The following TMEM39B variants were observed in gnomAD, a reference collection of about 807,000 sequenced individuals.
TMEM39B encodes the protein transmembrane protein 39B.
TMEM39B carries 23 observed loss-of-function variants against 52.2 expected under a neutral mutation model. The observed-to-expected ratio is 0.44, with a 90% CI of 0.32 to 0.62. TMEM39B has a LOEUF of 0.62. Among genes scored for constraint, TMEM39B ranks in the 20% least tolerant of loss-of-function variants. The pLI is 0.06. For missense variants in TMEM39B, 547 were observed against 642.0 expected (o/e 0.85, Z 1.60); for synonymous variants, 285 against 264.0 (o/e 1.08, Z -0.77).
chr1:32,091,539 G>T, intron 5 of TMEM39B, 136 bp from the exon 6 acceptor site: 1 of 944,724 alleles, frequency 1.1e-6, no homozygotes, highest in East Asian at 2.7e-5. Flanking sequence ...TGGATGGATG[G>T]AAGGACTGGT....
At chr1:32,081,473 C>T (rs972560135) in intron 5 of TMEM39B, among the ~76,000 whole-genome samples, 5 of 152,066 alleles carry the variant, frequency 3.3e-5, no homozygotes, top group South Asian at 4.1e-4. Context: ...ATTGGCCAAG[C>T]GTGGTGGCTC....
intron 5 of TMEM39B, chr1:32,087,816 A>AT (rs1428508546): frequency 1.2e-4 from 17 of 144,514 alleles, no homozygotes; most frequent in African/African-American, 4.3e-4. Context: ...CGCCCGGCTA[A>AT]TTTTTTGTAT....
chr1:32,083,453 G>A lies in TMEM39B; in HGVS notation c.590+6135G>A, dbSNP rs183361245. Among the ~76,000 whole-genome samples, 72 of 110,506 alleles carry A rather than the reference G, an allele frequency of 6.5e-4. No individual in the cohort carries two copies. In the East Asian group the frequency reaches 0.015, roughly 23 times the overall value. 72.5% of individuals were successfully genotyped at this position (110,506 alleles called of 152,430 possible). Reference sequence around the variant, plus strand: ...TTTTTTTTTTTTGAGATGGAGATTCGCCGTTGTTGCCCAGGCTGGAGTGGA... The same window carrying A: ...TTTTTTTTTTTTGAGATGGAGATTCACCGTTGTTGCCCAGGCTGGAGTGGA... On this transcript the variant is annotated intron_variant, in intron 5 of 8. Transcript: ENST00000336294.
intron 5 of TMEM39B, among the ~76,000 whole-genome samples, chr1:32,083,766 G>A (rs1198580246): frequency 1.3e-5 from 2 of 152,118 alleles, no homozygotes; most frequent in Admixed American, 1.3e-4. Context: ...CTACTCAGGA[G>A]GCTAAGGTAT....
In TMEM39B at chr1:32,102,545, T is replaced by C. The variant is rs1432375236; in HGVS notation, c.1351T>C (p.Ser451Pro). 2 of 1,614,052 alleles carry C rather than the reference T, an allele frequency of 1.2e-6. No homozygotes were observed. The highest frequency in any genetic ancestry group is 2.7e-5 in the African/African-American group (2 of 74,902). Residue 451 changes from serine (S) to proline (P), a missense_variant, in exon 9 of 9, where the codon TCG becomes CCG. By Grantham distance (74) the Ser-to-Pro change is moderately conservative (BLOSUM62 -1). Transcript: ENST00000336294. ...MSSEKWHQTISLALILFSNYY... is the reference protein window; with the variant it reads ...MSSEKWHQTIPLALILFSNYY... The stretch of plus-strand genomic sequence containing the variant: ...CTCTGAAAAGTGGCACCAGACCATC[T>C]CGCTGGCCCTCATCCTCTTCAGCAA...
chr1:32,076,569 G>A (rs967685770), intron 3 of TMEM39B, 194 bp from the exon 4 acceptor site: 1 of 698,818 alleles, frequency 1.4e-6, no homozygotes, highest in Admixed American at 2.0e-5. Flanking sequence ...CCCAGGGACT[G>A]TCCCACTTCC....
At chr1:32,095,526 A>T (rs2124491303) in intron 7 of TMEM39B, 1 of 156,046 alleles carries the variant, frequency 6.4e-6, no homozygotes, top group Middle Eastern at 3.3e-3. Context: ...GAAGGATGAG[A>T]TGGGCAAAAG....
At chr1:32,074,898 T>G in intron 1 of TMEM39B, 53 bp from the exon 2 acceptor site, 1 of 1,513,826 alleles carries the variant, frequency 6.6e-7, no homozygotes, top group Non-Finnish European at 8.9e-7. Flanking sequence ...ATTGCTGTTA[T>G]CCTTGATATA....
chr1:32,079,286 A>G (rs1175664344), intron 5 of TMEM39B, among the ~76,000 whole-genome samples: 1 of 149,800 alleles, frequency 6.7e-6, no homozygotes, highest in East Asian at 2.0e-4. Flanking sequence ...CCGGGTTCAC[A>G]CCATTCTCCT....
chr1:32,085,275 A>G (rs913393290), intron 5 of TMEM39B, among the ~76,000 whole-genome samples: 1 of 151,444 alleles, frequency 6.6e-6, no homozygotes, highest in Non-Finnish European at 1.5e-5. Context: ...TTTCTCCTAT[A>G]TTTCTCTAAT....
chr1:32,073,355 C>T (rs1639720730), intron 1 of TMEM39B: 2 of 435,952 alleles, frequency 4.6e-6, no homozygotes, highest in Admixed American at 4.6e-5. Context: ...GTGGCTTCAG[C>T]GCTAAGGGTG....
intron 5 of TMEM39B, among the ~76,000 whole-genome samples, chr1:32,088,489 C>G (rs974952124): frequency 3.3e-5 from 5 of 151,546 alleles, no homozygotes; most frequent in Admixed American, 2.0e-4. Flanking sequence ...ATGACTGCTT[C>G]TTCGTCTGTC....
At chr1:32,093,655 AC>A (rs1327255823) in intron 6 of TMEM39B, among the ~76,000 whole-genome samples, 1 of 150,900 alleles carries the variant, frequency 6.6e-6, no homozygotes, top group Non-Finnish European at 1.5e-5. Context: ...CAAGTGATCC[AC>A]CCAACTTAGC....
intron 8 of TMEM39B, among the ~76,000 whole-genome samples, chr1:32,100,903 C>T (rs1057054752): frequency 1.3e-5 from 2 of 151,926 alleles, no homozygotes; most frequent in Non-Finnish European, 2.9e-5. Context: ...TGGTGGCGGG[C>T]GCCTGTAATC....
chr1:32,081,388 C>T (rs1250277933), intron 5 of TMEM39B, among the ~76,000 whole-genome samples: 1 of 151,946 alleles, frequency 6.6e-6, no homozygotes, highest in Non-Finnish European at 1.5e-5. Context: ...CCTCCCACTT[C>T]AGCCTTCTGA....
At chr1:32,075,853 TGTGTGTGTGTGC>T (rs964565982) in intron 3 of TMEM39B, 31 bp downstream of exon 3, 1 of 1,320,330 alleles carries the variant, frequency 7.6e-7, no homozygotes, top group Non-Finnish European at 1.0e-6. Flanking sequence ...TGTGTGTGTG[TGTGTGTGTGTGC>T]GTGTGTGTGT....
intron 3 of TMEM39B, chr1:32,076,103 CTTTTTTTT>C (rs1178215057): frequency 2.6e-5 from 2 of 76,258 alleles, no homozygotes; most frequent in Non-Finnish European, 4.8e-5. Flanking sequence ...TTCTTTTCTT[CTTTTTTTT>C]TTTTTTTTTT....
At chr1:32,074,067 G>A (rs1639753422) in intron 1 of TMEM39B, among the ~76,000 whole-genome samples, 1 of 152,032 alleles carries the variant, frequency 6.6e-6, no homozygotes. Flanking sequence ...ACTTTTTTAG[G>A]TGCTTAGGAG....
chr1:32,094,117 C>CT (rs796499631), intron 6 of TMEM39B, among the ~76,000 whole-genome samples: 17,010 of 29,818 alleles, frequency 0.57, 7,829 homozygotes, highest in Non-Finnish European at 0.77. Flanking sequence ...TGCGCCTGGC[C>CT]TTTTTTTTTT....
Sources: gnomAD v4.1 joint callset for allele counts (sites outside exome capture counted in the v4.1 genomes callset) on GRCh38, gnomAD v4.1.1 for gene constraint, MANE v1.5 for transcripts, NCBI Gene and HGNC (gene_info 2026-07-23, HGNC 2026-07-21) for gene names.